The following DST variants were observed in gnomAD, a reference collection of about 807,000 sequenced individuals.
DST encodes the protein bullous pemphigoid antigen.
DST carries 253 observed loss-of-function variants against 875.2 expected under a neutral mutation model. The ratio of observed to expected loss-of-function variants is 0.29; its 90% CI spans 0.26 to 0.32. The LOEUF (loss-of-function observed/expected upper bound fraction) is 0.32, where lower values mean the gene tolerates loss of function less well. Among genes scored for constraint, DST ranks in the 10% least tolerant of loss-of-function variants. DST has a pLI of 1.00. For missense variants in DST, 8,287 were observed against 9,111.6 expected (o/e 0.91, Z 3.68); for synonymous variants, 3,124 against 3,197.1 (o/e 0.98, Z 0.77).
intron 15 of DST, among the ~76,000 whole-genome samples, chr6:56,643,587 C>T (rs2098925399): frequency 6.6e-6 from 1 of 152,186 alleles, no homozygotes; most frequent in Non-Finnish European, 1.5e-5. Context: ...CACTTCCATG[C>T]CACATAGCTA....
chr6:56,881,071 G>A (rs113519091), intron 3 of DST, among the ~76,000 whole-genome samples: 2,577 of 151,666 alleles, frequency 0.017, 70 homozygotes, highest in African/African-American at 0.056. Flanking sequence ...GGATGGTCTC[G>A]ATCTCCTGAC....
Position 56,606,114 on chromosome 6 carries a change from C to T in DST, c.8514G>A (p.Gln2838=). 6.2e-7 allele frequency: 1 copy of T among 1,612,920 alleles called. No homozygotes were observed. Among genetic ancestry groups the T allele is most frequent in the Non-Finnish European group, 8.5e-7 (1 of 1,179,268 alleles). The change falls in exon 40 of 104, where the codon CAG becomes CAA. Residue 2838 remains glutamine, a synonymous_variant. Transcript: ENST00000680361. ...CQNVAEDMDI[Q]LCASILNENS... ...TTTCATTTAAAATAGAGGCACACAACTGGATATCCATATCTTCAGCCACAT... is the reference window on the plus strand; with the variant it reads ...TTTCATTTAAAATAGAGGCACACAATTGGATATCCATATCTTCAGCCACAT...
rs1241239137 is a variant in DST, at chr6:56,648,561, G to A, written c.1554+9C>T. 6.4e-7 allele frequency: 1 copy of A among 1,562,170 alleles called. No homozygotes were observed. Among genetic ancestry groups the A allele is most frequent in the South Asian group, 1.2e-5 (1 of 84,600 alleles). On this transcript the variant is annotated intron_variant, in intron 13 of 103. Coordinates refer to ENST00000680361, the MANE Select transcript of DST (RefSeq NM_001374736.1). ...ATCAATCCTATGTAATTTCTACAGTGACACTAACCTTCAGTTCTACAGGAT... is the reference window on the plus strand; with the variant it reads ...ATCAATCCTATGTAATTTCTACAGTAACACTAACCTTCAGTTCTACAGGAT...
intron 4 of DST, among the ~76,000 whole-genome samples, chr6:56,793,145 T>A (rs1398806103): frequency 6.9e-6 from 1 of 144,752 alleles, no homozygotes; most frequent in East Asian, 2.2e-4. Flanking sequence ...CTTATTTGCA[T>A]CTTGGAGTCC....
intron 4 of DST, among the ~76,000 whole-genome samples, chr6:56,780,861 T>G (rs999357825): frequency 6.6e-6 from 1 of 152,178 alleles, no homozygotes; most frequent in Non-Finnish European, 1.5e-5. Context: ...TGGTTTTAGA[T>G]CTAACGTTTA....
intron 99 of DST, among the ~76,000 whole-genome samples, chr6:56,465,008 T>C (rs2094511157): frequency 6.6e-6 from 1 of 152,222 alleles, no homozygotes; most frequent in Non-Finnish European, 1.5e-5. Flanking sequence ...TTCTGATTTC[T>C]TCATAAATGG....
intron 9 of DST, among the ~76,000 whole-genome samples, chr6:56,688,040 G>A (rs2099200518): frequency 6.6e-6 from 1 of 152,278 alleles, no homozygotes. Flanking sequence ...GATTTAAACT[G>A]TGCATGTCCT....
Position 56,819,149 on chromosome 6 carries a change from A to G in DST, c.625+32248T>C, listed in dbSNP as rs1343650165. 2.0e-5 allele frequency among the ~76,000 whole-genome samples: 3 copies of G among 152,236 alleles called. No individual in the cohort carries two copies. The East Asian group carries it at 5.8e-4, about 29-fold the overall frequency. The stretch of plus-strand genomic sequence containing the variant: ...ACTCCAAAAAGGAGCTGTCAGCACC[A>G]GAAATATTGTTCTGATACATTTTAT... On this transcript the variant is annotated intron_variant, in intron 4 of 103. Transcript: ENST00000680361.
intron 2 of DST, among the ~76,000 whole-genome samples, chr6:56,911,108 T>A (rs187405309): frequency 6.6e-6 from 1 of 152,332 alleles, no homozygotes; most frequent in Admixed American, 6.5e-5. Context: ...TTCTTGACAC[T>A]TAGGCTGTGT....
intron 4 of DST, among the ~76,000 whole-genome samples, chr6:56,811,826 G>A (rs1350733255): frequency 1.3e-5 from 2 of 152,110 alleles, no homozygotes; most frequent in Non-Finnish European, 2.9e-5. Context: ...CAGGCACAGT[G>A]GTTCACACCT....
Position 56,640,132 on chromosome 6 carries a change from C to T in DST, c.2490+11G>A. On this transcript the variant is annotated intron_variant, in intron 18 of 103. Transcript: ENST00000680361. Reference sequence around the variant, plus strand: ...GACTGAAACACTCAGGTAAAGTAAACATTTTTTTACCTGCATCTCATCAAC... The same window carrying T: ...GACTGAAACACTCAGGTAAAGTAAATATTTTTTTACCTGCATCTCATCAAC... 6.2e-7 allele frequency: 1 copy of T among 1,612,712 alleles called. No individual in the cohort carries two copies. The highest frequency in any genetic ancestry group is 2.2e-5 in the East Asian group (1 of 44,876).
At chr6:56,536,650 A>G (rs2152524225) in intron 62 of DST, 129 bp downstream of exon 62, 6 of 936,236 alleles carry the variant, frequency 6.4e-6, no homozygotes, top group East Asian at 2.7e-5. Context: ...TGAGCCATCC[A>G]GTTTACAGTA....
rs530706074 is a variant in DST at position 56,659,351 on chromosome 6, T to A, written c.1215-8107A>T. On this transcript the variant is annotated intron_variant, in intron 10 of 103. Coordinates refer to ENST00000680361, the MANE Select transcript of DST (RefSeq NM_001374736.1). ...AGGCAATCTTGAAAAACTCGAGTGTTTACTGGCCTTGTGAAAGAGGCCAAG... is the reference window on the plus strand; with the variant it reads ...AGGCAATCTTGAAAAACTCGAGTGTATACTGGCCTTGTGAAAGAGGCCAAG... Among the ~76,000 whole-genome samples the A allele has an allele frequency of 7.2e-5, 11 of 152,290 alleles. No individual in the cohort carries two copies. The South Asian group carries it at 8.3e-4, about 12-fold the overall frequency.
At chr6:56,570,852 C>T (rs16888000) in intron 53 of DST, among the ~76,000 whole-genome samples, 9,041 of 152,210 alleles carry the variant, frequency 0.059, 923 homozygotes, top group African/African-American at 0.2. Flanking sequence ...TTTGATCTGT[C>T]CCCTTTATGT....
chr6:56,531,708 A>G (rs2096898328), intron 64 of DST, among the ~76,000 whole-genome samples: 1 of 152,130 alleles, frequency 6.6e-6, no homozygotes, highest in Non-Finnish European at 1.5e-5. Flanking sequence ...TGGCTAGTCA[A>G]TGGCGGCATC....
intron 4 of DST, among the ~76,000 whole-genome samples, chr6:56,744,940 A>G (rs1284055734): frequency 2.6e-5 from 4 of 152,200 alleles, no homozygotes; most frequent in Non-Finnish European, 4.4e-5. Context: ...TTCTATTAGT[A>G]TAGACGTACA....
intron 3 of DST, among the ~76,000 whole-genome samples, chr6:56,878,558 C>T (rs1002123760): frequency 6.6e-6 from 1 of 152,142 alleles, no homozygotes; most frequent in Non-Finnish European, 1.5e-5. Context: ...TGGGGTGAAG[C>T]ATCAGAAGCT....
At chr6:56,595,427 T>C (rs2098357162) in intron 47 of DST, among the ~76,000 whole-genome samples, 1 of 152,112 alleles carries the variant, frequency 6.6e-6, no homozygotes, top group African/African-American at 2.4e-5. Context: ...ACCTACCATA[T>C]AACTTAGTTA....
chr6:56,934,583 T>TATATAC, intron 2 of DST, among the ~76,000 whole-genome samples: 1 of 139,446 alleles, frequency 7.2e-6, no homozygotes, highest in East Asian at 2.0e-4. Context: ...TATATATATA[T>TATATAC]ATATATCGTG....
Sources: gnomAD v4.1 joint callset for allele counts (sites outside exome capture counted in the v4.1 genomes callset) on GRCh38, gnomAD v4.1.1 for gene constraint, MANE v1.5 for transcripts, NCBI Gene and HGNC (gene_info 2026-07-23, HGNC 2026-07-21) for gene names.